Variants in CPED1 observed in about 807,000 individuals in gnomAD.
CPED1 encodes the protein cadherin like and PC-esterase domain containing 1.
CPED1 carries 114 observed loss-of-function variants against 128.2 expected under a neutral mutation model. That is an observed-to-expected ratio of 0.89 (90% confidence interval 0.76 to 1.04). The LOEUF (loss-of-function observed/expected upper bound fraction) is 1.04, where lower values mean the gene tolerates loss of function less well. CPED1 is among the 50% of genes least tolerant of loss of function. The pLI is 0.00. For missense variants in CPED1, 1,211 were observed against 1,207.1 expected, an observed-to-expected ratio of 1.00 and a Z score of -0.05; for synonymous variants, 462 against 426.7, an observed-to-expected ratio of 1.08 and a Z score of -1.02.
intron 16 of CPED1, among the ~76,000 whole-genome samples, chr7:121,181,623 A>C (rs1320225714): frequency 6.6e-6 from 1 of 152,102 alleles, no homozygotes; most frequent in Non-Finnish European, 1.5e-5. Flanking sequence ...CCAAAATATC[A>C]CCTTGACTAA....
chr7:121,204,657 A>G (rs1324679896), intron 16 of CPED1, among the ~76,000 whole-genome samples: 2 of 152,156 alleles, frequency 1.3e-5, no homozygotes, highest in African/African-American at 4.8e-5. Context: ...GAGGCACATT[A>G]TCTCATTTCC....
At chr7:121,133,349 A>G (rs754703749) in intron 12 of CPED1, among the ~76,000 whole-genome samples, 3 of 152,050 alleles carry the variant, frequency 2.0e-5, no homozygotes, top group Non-Finnish European at 2.9e-5. Context: ...GCTATTCACT[A>G]CTGTTAATTA....
chr7:121,266,396 G>A lies in CPED1; in HGVS notation c.2480G>A (p.Ser827Asn), dbSNP rs1469101775. 1 of 1,613,096 alleles carries A rather than the reference G, an allele frequency of 6.2e-7. No homozygotes were observed. Among genetic ancestry groups the A allele is most frequent in the African/African-American group, 1.3e-5 (1 of 74,850 alleles). ...TCCTACTATCCCCAGTTCTGGATAA[G>A]CCCTTCATTGAGACCAACATTTGAA... ...SYSYYPQFWI[S>N]PSLRPTFENA... The change falls in exon 19 of 23, where the codon AGC (serine) becomes AAC (asparagine). Residue 827 changes from serine to asparagine, a missense_variant. Physicochemically the swap from Ser to Asn is conservative, Grantham distance 46. Coordinates refer to ENST00000310396, the MANE Select transcript of CPED1 (RefSeq NM_024913.5).
rs530406891 is a variant in CPED1 at position 121,046,926 on chromosome 7, C to A, written c.473C>A (p.Ser158Tyr). Residue 158 changes from serine (S) to tyrosine (Y), a missense_variant, in exon 4 of 23, where the codon TCT becomes TAT. By Grantham distance (144) the Ser-to-Tyr change is moderately radical. Coordinates refer to ENST00000310396, the MANE Select transcript of CPED1 (RefSeq NM_024913.5). ...GSWDLLICLSSKKAEGTPCIS... is the reference protein window; with the variant it reads ...GSWDLLICLSYKKAEGTPCIS... ...TGGGATCTGCTCATTTGCCTGTCTT[C>A]TAAGAAAGCAGAAGGAACACCCTGT... The A allele has an allele frequency of 2.7e-5, 43 of 1,612,444 alleles. No individual in the cohort carries two copies. The South Asian group carries it at 4.4e-4, about 17-fold the overall frequency.
At chr7:121,078,498 G>T (rs796269213) in intron 5 of CPED1, among the ~76,000 whole-genome samples, 7 of 101,880 alleles carry the variant, frequency 6.9e-5, no homozygotes, top group South Asian at 3.3e-4. Flanking sequence ...AAGAAAGAAA[G>T]AAAAAAAAAA....
rs374841745 is a variant in CPED1 at position 121,110,375 on chromosome 7, G to A, written c.918+10281G>A. Among the ~76,000 whole-genome samples the A allele has an allele frequency of 1.3e-4, 20 of 152,248 alleles. No individual in the cohort carries two copies. The East Asian group carries it at 3.7e-3, about 28-fold the overall frequency. On this transcript the variant is annotated intron_variant, in intron 7 of 22. Coordinates refer to ENST00000310396, the MANE Select transcript of CPED1 (RefSeq NM_024913.5). Reference sequence around the variant, plus strand: ...TATAAAGAAATTCAGATAGTTACAGGTATTTAATATATCTAAGAATGAAAT... The same window carrying A: ...TATAAAGAAATTCAGATAGTTACAGATATTTAATATATCTAAGAATGAAAT...
intron 12 of CPED1, among the ~76,000 whole-genome samples, 183 bp downstream of exon 12, chr7:121,130,477 C>T (rs1771817841): frequency 6.6e-6 from 1 of 152,068 alleles, no homozygotes; most frequent in African/African-American, 2.4e-5. Flanking sequence ...GGTCTTCAAA[C>T]ACTTTAATAA....
At chr7:121,010,122 T>C (rs1792121880) in intron 2 of CPED1, among the ~76,000 whole-genome samples, 1 of 152,150 alleles carries the variant, frequency 6.6e-6, no homozygotes, top group African/African-American at 2.4e-5. Context: ...ACAAATAATA[T>C]ATAGTTATAC....
chr7:121,022,242 A>G (rs914850006), intron 3 of CPED1, among the ~76,000 whole-genome samples: 5 of 152,052 alleles, frequency 3.3e-5, no homozygotes, highest in African/African-American at 9.7e-5. Flanking sequence ...CTCATATTAA[A>G]CTTAGTTCAT....
At chr7:120,996,801 A>T (rs559626588) in intron 2 of CPED1, among the ~76,000 whole-genome samples, 110 of 152,174 alleles carry the variant, frequency 7.2e-4, no homozygotes, top group African/African-American at 2.6e-3. Context: ...ACTAACCTAG[A>T]CTCATTCAGT....
At chr7:121,249,067 G>A (rs1444441548) in intron 18 of CPED1, among the ~76,000 whole-genome samples, 1 of 152,112 alleles carries the variant, frequency 6.6e-6, no homozygotes, top group Non-Finnish European at 1.5e-5. Context: ...AGACCAGGCT[G>A]AGGAAAGACT....
At chr7:121,227,467 A>G (rs1182677351) in intron 16 of CPED1, among the ~76,000 whole-genome samples, 2 of 152,106 alleles carry the variant, frequency 1.3e-5, no homozygotes, top group Admixed American at 6.6e-5. Context: ...AAAGCAATGC[A>G]AGTCCATTTT....
intron 2 of CPED1, among the ~76,000 whole-genome samples, chr7:121,005,291 G>A (rs1791978284): frequency 6.6e-6 from 1 of 152,096 alleles, no homozygotes; most frequent in Non-Finnish European, 1.5e-5. Context: ...AGTATTCCAC[G>A]GTGTTTACGT....
At chr7:121,252,042 C>G (rs1798684506) in intron 18 of CPED1, among the ~76,000 whole-genome samples, 2 of 151,566 alleles carry the variant, frequency 1.3e-5, no homozygotes, top group South Asian at 4.2e-4. Context: ...CTGGAGGCAT[C>G]ACGCTACCTG....
At chr7:121,148,561 C>G (rs1314441874) in intron 16 of CPED1, among the ~76,000 whole-genome samples, 1 of 152,052 alleles carries the variant, frequency 6.6e-6, no homozygotes, top group East Asian at 1.9e-4. Context: ...ATAAGTCTTG[C>G]TGACTTCAAA....
intron 5 of CPED1, among the ~76,000 whole-genome samples, chr7:121,077,687 T>C (rs1035555630): frequency 6.6e-6 from 1 of 150,774 alleles, no homozygotes; most frequent in Non-Finnish European, 1.5e-5. Flanking sequence ...ATATATTTTA[T>C]ATATTTTTCC....
intron 5 of CPED1, among the ~76,000 whole-genome samples, chr7:121,074,902 T>TGCTTGTG (rs1278207800): frequency 6.6e-6 from 1 of 152,200 alleles, no homozygotes; most frequent in African/African-American, 2.4e-5. Flanking sequence ...TTTTCACACC[T>TGCTTGTG]GCTTGTGTAG....
At chr7:121,165,686 GA>G (rs1275195753) in intron 16 of CPED1, among the ~76,000 whole-genome samples, 2 of 152,148 alleles carry the variant, frequency 1.3e-5, no homozygotes, top group African/African-American at 4.8e-5. Flanking sequence ...TCCCCTGGAT[GA>G]TTAACCACCA....
At chr7:121,154,521 TTTTTA>T (rs1331344576) in intron 16 of CPED1, among the ~76,000 whole-genome samples, 1 of 151,582 alleles carries the variant, frequency 6.6e-6, no homozygotes, top group Non-Finnish European at 1.5e-5. Flanking sequence ...AATTTTTTAT[TTTTTA>T]TTTTATTTTT....
Sources: gnomAD v4.1 joint callset for allele counts (sites outside exome capture counted in the v4.1 genomes callset) on GRCh38, gnomAD v4.1.1 for gene constraint, MANE v1.5 for transcripts, NCBI Gene and HGNC (gene_info 2026-07-23, HGNC 2026-07-21) for gene names.